The following RBMS3 variants were observed in gnomAD, a reference collection of about 807,000 sequenced individuals.
The protein encoded by RBMS3 is RNA binding motif single stranded interacting protein 3, also known as RNA-binding motif, single-stranded-interacting protein 3.
Under a neutral mutation model 66.8 loss-of-function variants are expected in RBMS3, and 27 were observed. The observed-to-expected ratio is 0.40, with a 90% CI of 0.30 to 0.56. The LOEUF (loss-of-function observed/expected upper bound fraction) is 0.56, where lower values mean the gene tolerates loss of function less well. Among genes scored for constraint, RBMS3 ranks in the 20% least tolerant of loss-of-function variants. The pLI is 0.40. For missense variants in RBMS3, 513 were observed against 549.5 expected (o/e 0.93, Z 0.66); for synonymous variants, 188 against 183.0 (o/e 1.03, Z -0.22).
At chr3:29,283,092 A>C (rs1031858300) in intron 1 of RBMS3, among the ~76,000 whole-genome samples, 1 of 152,112 alleles carries the variant, frequency 6.6e-6, no homozygotes, top group Non-Finnish European at 1.5e-5. Context: ...TTAGGTTGAG[A>C]ATGCTGCCTG....
rs576498011 is a variant in RBMS3 at position 29,514,350 on chromosome 3, C to T, written c.307+25851C>T. Among the ~76,000 whole-genome samples, 6 of 152,096 alleles carry T rather than the reference C, an allele frequency of 3.9e-5. No individual in the cohort carries two copies. In the South Asian group the frequency reaches 1.2e-3, roughly 32 times the overall value. ...TCAGACTTCCTTAGAGGTAGTCGCT[C>T]CTCTATCTCAAAAGCTTTCTTGACA... On this transcript the variant is annotated intron_variant, in intron 3 of 14. Transcript: ENST00000383767.
intron 7 of RBMS3, among the ~76,000 whole-genome samples, chr3:29,882,238 A>G (rs2059753695): frequency 6.6e-6 from 1 of 152,160 alleles, no homozygotes; most frequent in African/African-American, 2.4e-5. Flanking sequence ...GTCATGTGGC[A>G]GAGCCTTCAT....
intron 4 of RBMS3, among the ~76,000 whole-genome samples, chr3:29,591,687 C>G (rs900216012): frequency 1.3e-5 from 2 of 152,188 alleles, no homozygotes; most frequent in African/African-American, 4.8e-5. Context: ...ATTAAACAGT[C>G]ATGAATTATT....
intron 3 of RBMS3, among the ~76,000 whole-genome samples, chr3:29,547,102 A>G (rs186460734): frequency 6.6e-6 from 1 of 152,104 alleles, no homozygotes; most frequent in African/African-American, 2.4e-5. Flanking sequence ...CAGCCTTTCA[A>G]GTAGCTGGGA....
intron 12 of RBMS3, among the ~76,000 whole-genome samples, chr3:29,947,872 G>A (rs1348901698): frequency 6.6e-6 from 1 of 150,828 alleles, no homozygotes; most frequent in Non-Finnish European, 1.5e-5. Flanking sequence ...AAATCAAGCA[G>A]AAGACTACTA....
chr3:29,750,935 T>TA (rs1005093754), intron 5 of RBMS3, among the ~76,000 whole-genome samples: 3 of 152,208 alleles, frequency 2.0e-5, no homozygotes, highest in African/African-American at 4.8e-5. Flanking sequence ...ATTAAGGGTT[T>TA]AAAACACTTG....
intron 7 of RBMS3, among the ~76,000 whole-genome samples, chr3:29,870,826 A>G (rs994400891): frequency 2.0e-5 from 3 of 152,186 alleles, no homozygotes; most frequent in Non-Finnish European, 4.4e-5. Flanking sequence ...ATCTGTGACC[A>G]ATAAAATATA....
At chr3:29,448,195 C>T (rs1443722778) in intron 2 of RBMS3, among the ~76,000 whole-genome samples, 1 of 152,144 alleles carries the variant, frequency 6.6e-6, no homozygotes, top group Non-Finnish European at 1.5e-5. Context: ...CCTAAGGACA[C>T]TTTCATGACA....
chr3:29,733,939 A>G (rs2054250210), intron 4 of RBMS3, among the ~76,000 whole-genome samples: 1 of 152,042 alleles, frequency 6.6e-6, no homozygotes, highest in Non-Finnish European at 1.5e-5. Context: ...TATATGGTGA[A>G]TTATAGGGGT....
At chr3:29,810,546 C>A (rs1188115288) in intron 6 of RBMS3, among the ~76,000 whole-genome samples, 2 of 152,098 alleles carry the variant, frequency 1.3e-5, no homozygotes, top group Non-Finnish European at 1.5e-5. Context: ...TAGGAAATCT[C>A]TCACCTTCTA....
At chr3:29,796,876 C>A (rs1353934134) in intron 6 of RBMS3, among the ~76,000 whole-genome samples, 2 of 151,958 alleles carry the variant, frequency 1.3e-5, no homozygotes, top group African/African-American at 4.8e-5. Context: ...CCACACCTGG[C>A]TAATTTTTTG....
At chr3:29,868,303 C>T (rs2059408975) in intron 6 of RBMS3, among the ~76,000 whole-genome samples, 1 of 152,136 alleles carries the variant, frequency 6.6e-6, no homozygotes, top group Non-Finnish European at 1.5e-5. Context: ...CCCTGGGATT[C>T]TGACTAGATT....
chr3:29,892,599 A>G (rs1396443221), intron 8 of RBMS3, among the ~76,000 whole-genome samples: 1 of 151,546 alleles, frequency 6.6e-6, no homozygotes, highest in Non-Finnish European at 1.5e-5. Flanking sequence ...TAATGCTGTG[A>G]ATCTTGGTGA....
At chr3:29,557,588 A>G (rs1432795292) in intron 3 of RBMS3, among the ~76,000 whole-genome samples, 1 of 152,198 alleles carries the variant, frequency 6.6e-6, no homozygotes, top group Non-Finnish European at 1.5e-5. Context: ...ACAAGAGCAA[A>G]CCACTGTTCA....
chr3:29,753,679 C>T (rs1373386745), intron 5 of RBMS3, among the ~76,000 whole-genome samples: 1 of 152,194 alleles, frequency 6.6e-6, no homozygotes, highest in Non-Finnish European at 1.5e-5. Flanking sequence ...TCAGTTACTA[C>T]TTCTAACAGC....
At chr3:29,948,900 A>G (rs1262263465) in intron 12 of RBMS3, among the ~76,000 whole-genome samples, 4 of 151,806 alleles carry the variant, frequency 2.6e-5, no homozygotes, top group Non-Finnish European at 4.4e-5. Context: ...AAAGATTCTA[A>G]CAGAGTAAAA....
At chr3:29,887,699 ACTCACTAAGT>A (rs2149586319) in intron 8 of RBMS3, among the ~76,000 whole-genome samples, 1 of 151,904 alleles carries the variant, frequency 6.6e-6, no homozygotes, top group African/African-American at 2.4e-5. Flanking sequence ...TCTCACTAAG[ACTCACTAAGT>A]CTCACTAAAA....
chr3:29,712,679 T>C (rs1477219295), intron 4 of RBMS3, among the ~76,000 whole-genome samples: 1 of 152,160 alleles, frequency 6.6e-6, no homozygotes, highest in Non-Finnish European at 1.5e-5. Context: ...ACAGGCTTTA[T>C]ATAACCTGCT....
intron 14 of RBMS3, among the ~76,000 whole-genome samples, chr3:29,997,620 A>C (rs1213889189): frequency 6.6e-6 from 1 of 151,682 alleles, no homozygotes; most frequent in Admixed American, 6.6e-5. Flanking sequence ...CAATATACGC[A>C]AATCAATAAA....
Sources: gnomAD v4.1 joint callset for allele counts (sites outside exome capture counted in the v4.1 genomes callset) on GRCh38, gnomAD v4.1.1 for gene constraint, MANE v1.5 for transcripts, NCBI Gene and HGNC (gene_info 2026-07-23, HGNC 2026-07-21) for gene names.